Variants in LYPD6 observed in about 807,000 individuals in gnomAD.
LYPD6 encodes ly6/PLAUR domain-containing protein 6.
A neutral mutation model predicts 22.7 loss-of-function variants in LYPD6; 15 were observed. That is an observed-to-expected ratio of 0.66 (90% CI 0.44 to 1.02). LYPD6 has a LOEUF of 1.02. Ranked by LOEUF, LYPD6 falls within the 50% of genes least tolerant of loss-of-function variation. The pLI is 0.00. For synonymous variants in LYPD6, 72 were observed against 77.5 expected (o/e 0.93, Z 0.37); for missense variants, 189 against 208.4 (o/e 0.91, Z 0.57).
In LYPD6 at chr2:149,349,202, G is replaced by C. The variant is rs139033654; in HGVS notation, c.-72+18480G>C. ...ATCTGGGCTGAAGATGTAATGATGG[G>C]AGCTTCATGATCTCAGTAAAAGCCA... On this transcript the variant is annotated intron_variant, in intron 1 of 4. Transcript: ENST00000334166. Among the ~76,000 whole-genome samples the C allele has an allele frequency of 6.4e-4, 97 of 152,224 alleles. 1 individual carries two copies. The highest frequency in any genetic ancestry group is 2.1e-3 in the African/African-American group (89 of 41,544).
chr2:149,466,914 G>A (rs1239365086), intron 3 of LYPD6, among the ~76,000 whole-genome samples: 1 of 151,530 alleles, frequency 6.6e-6, no homozygotes, highest in African/African-American at 2.4e-5. Flanking sequence ...TGAAGTTGGG[G>A]TGGGGGTGGG....
intron 1 of LYPD6, among the ~76,000 whole-genome samples, chr2:149,377,050 C>T (rs1208050981): frequency 2.6e-5 from 4 of 152,212 alleles, no homozygotes; most frequent in Non-Finnish European, 5.9e-5. Flanking sequence ...AGCCATCTCA[C>T]TATAGGGCTC....
At chr2:149,402,120 C>T (rs1351348594) in intron 1 of LYPD6, among the ~76,000 whole-genome samples, 1 of 151,586 alleles carries the variant, frequency 6.6e-6, no homozygotes. Context: ...GCACGTGTAT[C>T]CCAGAACTTA....
rs1166444105 is a variant in LYPD6 at position 149,403,723 on chromosome 2, G to C, written c.-71-33915G>C. 1.3e-4 allele frequency among the ~76,000 whole-genome samples: 20 copies of C among 152,060 alleles called. 2 individuals carry two copies. The South Asian group carries it at 4.2e-3, about 32-fold the overall frequency. ...TGGTAGTTTCTCTTGCTGTGCAGAA[G>C]CTCTTTAGTTTAATTAGATCCCATT... On this transcript the variant is annotated intron_variant, in intron 1 of 4. Coordinates refer to ENST00000334166, the MANE Select transcript of LYPD6 (RefSeq NM_194317.5).
At chr2:149,405,683 A>G (rs1051452805) in intron 1 of LYPD6, among the ~76,000 whole-genome samples, 2 of 152,176 alleles carry the variant, frequency 1.3e-5, no homozygotes, top group Admixed American at 6.5e-5. Context: ...TCACAAAACC[A>G]GCTCCTGGAT....
chr2:149,408,884 T>G, intron 1 of LYPD6, among the ~76,000 whole-genome samples: 1 of 152,264 alleles, frequency 6.6e-6, no homozygotes, highest in East Asian at 1.9e-4. Context: ...AGCTTAATAG[T>G]CGACTTTCTG....
intron 1 of LYPD6, among the ~76,000 whole-genome samples, chr2:149,372,762 G>A (rs527311554): frequency 2.0e-5 from 3 of 152,272 alleles, no homozygotes; most frequent in African/African-American, 7.2e-5. Flanking sequence ...GATGGGACAG[G>A]GGCATAAGCT....
At chr2:149,363,881 G>A (rs1273926661) in intron 1 of LYPD6, among the ~76,000 whole-genome samples, 1 of 152,102 alleles carries the variant, frequency 6.6e-6, no homozygotes, top group Non-Finnish European at 1.5e-5. Context: ...AAATGCATTT[G>A]ATAAAAATGC....
intron 1 of LYPD6, among the ~76,000 whole-genome samples, chr2:149,334,909 A>G (rs146146522): frequency 2.0e-5 from 3 of 152,252 alleles, no homozygotes; most frequent in African/African-American, 4.8e-5. Context: ...AAAAATTCCT[A>G]TCACCTAGTG....
chr2:149,414,821 G>A (rs1450962228), intron 1 of LYPD6, among the ~76,000 whole-genome samples: 1 of 152,188 alleles, frequency 6.6e-6, no homozygotes, highest in African/African-American at 2.4e-5. Context: ...AGCTTCTTAA[G>A]AGGCATTCTG....
At chr2:149,475,486 C>T (rs139181652), downstream of LYPD6, among the ~76,000 whole-genome samples, 637 of 152,242 alleles carry the variant, frequency 4.2e-3, 2 homozygotes, top group Non-Finnish European at 7.2e-3. Context: ...AAAACCAACG[C>T]AAATTTCCAA....
At chr2:149,336,629 G>C (rs1681039315) in intron 1 of LYPD6, among the ~76,000 whole-genome samples, 1 of 152,160 alleles carries the variant, frequency 6.6e-6, no homozygotes, top group Admixed American at 6.5e-5. Context: ...TGTGTGGAAA[G>C]AAATACATCA....
chr2:149,467,017 C>A (rs1470651210), intron 3 of LYPD6, among the ~76,000 whole-genome samples: 1 of 152,188 alleles, frequency 6.6e-6, no homozygotes, highest in Non-Finnish European at 1.5e-5. Context: ...ATCTCCCAGG[C>A]CACTGGCCTC....
At chr2:149,342,418 T>TGA (rs1247813036) in intron 1 of LYPD6, among the ~76,000 whole-genome samples, 1 of 152,230 alleles carries the variant, frequency 6.6e-6, no homozygotes, top group Non-Finnish European at 1.5e-5. Context: ...TGTAATTTCT[T>TGA]TATTATTTTA....
At chr2:149,458,748 C>A (rs1030453897) in intron 3 of LYPD6, among the ~76,000 whole-genome samples, 2 of 151,892 alleles carry the variant, frequency 1.3e-5, no homozygotes, top group Non-Finnish European at 1.5e-5. Flanking sequence ...TAAAGGAGAA[C>A]CAAATGGAAA....
At chr2:149,409,441 C>T (rs1682805083) in intron 1 of LYPD6, among the ~76,000 whole-genome samples, 1 of 152,154 alleles carries the variant, frequency 6.6e-6, no homozygotes, top group Non-Finnish European at 1.5e-5. Context: ...AGGGAGGATG[C>T]ACACTTGCCC....
chr2:149,478,360 A>G (rs1222265048), downstream of LYPD6, among the ~76,000 whole-genome samples: 3 of 148,538 alleles, frequency 2.0e-5, no homozygotes, highest in African/African-American at 7.5e-5. Context: ...CAGGGAATTC[A>G]CCCTTTGGTA....
intron 1 of LYPD6, among the ~76,000 whole-genome samples, chr2:149,354,603 A>G (rs1410395448): frequency 2.0e-5 from 3 of 152,168 alleles, no homozygotes; most frequent in Admixed American, 6.5e-5. Context: ...GCAGCTTTCT[A>G]TGGCCCCATT....
intron 2 of LYPD6, 113 bp downstream of exon 2, chr2:149,437,939 A>G: frequency 2.6e-6 from 3 of 1,145,332 alleles, no homozygotes; most frequent in Non-Finnish European, 3.8e-6. Flanking sequence ...CCGTGATTTA[A>G]CTGGGGTGGT....
Sources: allele counts gnomAD v4.1 joint callset (sites outside exome capture counted in the v4.1 genomes callset), GRCh38; gene constraint gnomAD v4.1.1; transcripts MANE v1.5; gene names NCBI Gene and HGNC (gene_info 2026-07-23, HGNC 2026-07-21).